MAP2K5: variants seen among roughly 807,000 people sequenced by gnomAD.
The protein encoded by MAP2K5 is mitogen-activated protein kinase kinase 5.
A neutral mutation model predicts 83.1 loss-of-function variants in MAP2K5; 49 were observed. The ratio of observed to expected loss-of-function variants is 0.59; its 90% CI spans 0.47 to 0.75. The LOEUF is 0.75. MAP2K5 is among the 30% of genes least tolerant of loss of function. MAP2K5 has a pLI of 0.00. For synonymous variants in MAP2K5, 202 were observed against 191.8 expected, an observed-to-expected ratio of 1.05 and a Z score of -0.44; for missense variants, 457 against 557.5, an observed-to-expected ratio of 0.82 and a Z score of 1.82.
At chr15:67,658,524 G>A (rs759582270) in intron 11 of MAP2K5, 29 bp from the exon 12 acceptor site, 2 of 1,564,860 alleles carry the variant, frequency 1.3e-6, no homozygotes, top group South Asian at 2.2e-5. Flanking sequence ...AATTTCATTT[G>A]TAGTAACATG....
chr15:67,608,186 AAGAAGGCATAACATCAGGGACTGACAT>A (rs1450402315), intron 8 of MAP2K5, among the ~76,000 whole-genome samples: 3 of 152,224 alleles, frequency 2.0e-5, no homozygotes, highest in Non-Finnish European at 4.4e-5. Context: ...CTGCCACACC[AAGAAGGCATAACATCAGGGACTGACAT>A]AGTGTCTGTC....
intron 8 of MAP2K5, among the ~76,000 whole-genome samples, chr15:67,612,772 T>G (rs2085957238): frequency 1.3e-5 from 2 of 152,198 alleles, no homozygotes; most frequent in Admixed American, 1.3e-4. Context: ...AATAAATGAA[T>G]GGACAGCAAT....
chr15:67,767,818 T>C (rs929173352), intron 19 of MAP2K5, among the ~76,000 whole-genome samples: 3 of 152,212 alleles, frequency 2.0e-5, no homozygotes, highest in African/African-American at 7.2e-5. Context: ...CCGTTTTTCA[T>C]GTCGTCTCTG....
intron 7 of MAP2K5, among the ~76,000 whole-genome samples, chr15:67,597,592 T>G (rs988494298): frequency 5.9e-5 from 9 of 152,242 alleles, no homozygotes; most frequent in Non-Finnish European, 1.2e-4. Flanking sequence ...AATAGCACTT[T>G]CTTATATAAT....
chr15:67,558,977 G>A (rs1182739593), intron 2 of MAP2K5, among the ~76,000 whole-genome samples: 6 of 152,218 alleles, frequency 3.9e-5, no homozygotes, highest in Non-Finnish European at 5.9e-5. Context: ...AAGGAATCAG[G>A]AAGAGGGAAG....
In MAP2K5 at chr15:67,720,237, C is replaced by G. The variant is rs186543004; in HGVS notation, c.1045-7679C>G. On this transcript the variant is annotated intron_variant, in intron 16 of 21. Transcript: ENST00000178640. The surrounding 1 kb of genome is among the most constrained non-coding windows in gnomAD (Gnocchi z 5.7). ...ATAGACAGATTAATATACACATACA[C>G]AAACATAAACACACGCATATATATA... Among the ~76,000 whole-genome samples the G allele has an allele frequency of 2.0e-5, 3 of 152,200 alleles. No individual in the cohort carries two copies. Among genetic ancestry groups the G allele is most frequent in the East Asian group, 3.9e-4 (2 of 5,188 alleles).
chr15:67,664,377 T>C (rs1264740892), intron 12 of MAP2K5, among the ~76,000 whole-genome samples: 1 of 139,004 alleles, frequency 7.2e-6, no homozygotes, highest in African/African-American at 2.7e-5. Flanking sequence ...GGTGCACACC[T>C]GTGGTCCCAG....
chr15:67,631,323 C>CTT (rs1219030846), intron 9 of MAP2K5, among the ~76,000 whole-genome samples: 1 of 152,210 alleles, frequency 6.6e-6, no homozygotes, highest in Admixed American at 6.5e-5. Context: ...CCATTTGCTA[C>CTT]TTTCTTTCTA....
In MAP2K5 at chr15:67,806,957, T is replaced by A; in HGVS notation, c.*207T>A. 5.8e-6 allele frequency: 9 copies of A among 1,546,584 alleles called. No individual in the cohort carries two copies. Among genetic ancestry groups the A allele is most frequent in the Non-Finnish European group, 6.9e-6 (8 of 1,152,654 alleles). On this transcript the variant is annotated 3_prime_UTR_variant, in exon 22 of 22. Coordinates refer to ENST00000178640, the MANE Select transcript of MAP2K5 (RefSeq NM_145160.3). ...CAGGCCATCCCCATACCTTCTGGTT[T>A]GAAGGCGCTGACACTGGCAGAGAGG...
At chr15:67,647,868 TA>T (rs34662750) in intron 11 of MAP2K5, among the ~76,000 whole-genome samples, 3 of 150,264 alleles carry the variant, frequency 2.0e-5, no homozygotes, top group Non-Finnish European at 3.0e-5. Flanking sequence ...GACTCTGTCT[TA>T]AAAAAAATAA....
In MAP2K5 at chr15:67,698,811, A is replaced by T. The variant is rs191107974; in HGVS notation, c.973-4526A>T. On this transcript the variant is annotated intron_variant, in intron 15 of 21. Transcript: ENST00000178640. This position sits in a 1 kb window ranked among gnomAD's most constrained non-coding sequence, Gnocchi z 4.5. ...CAACTCAATTGGCTATGCTCATGCG[A>T]TGGTAGTAATGGTAGTGGTGGTGAC... is the stretch of plus-strand genomic sequence containing the variant. Among the ~76,000 whole-genome samples the T allele has an allele frequency of 3.7e-4, 56 of 152,318 alleles. No homozygotes were observed. The highest frequency in any genetic ancestry group is 1.3e-3 in the African/African-American group (52 of 41,568).
rs1035866398 is a variant in MAP2K5 at position 67,806,968 on chromosome 15, A to T, written c.*218A>T. On this transcript the variant is annotated 3_prime_UTR_variant, in exon 22 of 22. Coordinates refer to ENST00000178640, the MANE Select transcript of MAP2K5 (RefSeq NM_145160.3). ...CATACCTTCTGGTTTGAAGGCGCTG[A>T]CACTGGCAGAGAGGTAAAGGGTGGG... 19 of 1,531,250 alleles carry T rather than the reference A, an allele frequency of 1.2e-5. No individual in the cohort carries two copies. The highest frequency in any genetic ancestry group is 1.7e-5 in the Non-Finnish European group (19 of 1,143,770). 94.9% of individuals were successfully genotyped at this position (1,531,250 alleles called of 1,614,324 possible).
At chr15:67,669,973 C>G (rs1567349303) in intron 13 of MAP2K5, among the ~76,000 whole-genome samples, 1 of 152,084 alleles carries the variant, frequency 6.6e-6, no homozygotes, top group Non-Finnish European at 1.5e-5. Context: ...AAACATATGT[C>G]CACACAAAAA....
intron 11 of MAP2K5, among the ~76,000 whole-genome samples, chr15:67,656,808 C>CT (rs1214565497): frequency 6.6e-6 from 1 of 152,076 alleles, no homozygotes; most frequent in Non-Finnish European, 1.5e-5. Flanking sequence ...TTTGATAGGT[C>CT]TAACAGTTGC....
chr15:67,659,305 A>G (rs2087174022), intron 12 of MAP2K5: 3 of 156,462 alleles, frequency 1.9e-5, no homozygotes, highest in Admixed American at 1.9e-4. Flanking sequence ...TAAAGGCACG[A>G]TGATAACTTC....
intron 17 of MAP2K5, among the ~76,000 whole-genome samples, chr15:67,743,821 C>T (rs1023104710): frequency 2.6e-5 from 4 of 152,204 alleles, no homozygotes; most frequent in Non-Finnish European, 5.9e-5. Context: ...GCTCTGGCTT[C>T]AAGGAATCTT....
chr15:67,600,330 T>G (rs897092932), intron 7 of MAP2K5, among the ~76,000 whole-genome samples: 10 of 152,192 alleles, frequency 6.6e-5, no homozygotes, highest in Non-Finnish European at 1.3e-4. Flanking sequence ...AGTTTGACTT[T>G]GGTTATGTGC....
intron 8 of MAP2K5, among the ~76,000 whole-genome samples, chr15:67,610,142 CCTAA>C (rs1258877672): frequency 6.6e-6 from 1 of 152,160 alleles, no homozygotes; most frequent in Non-Finnish European, 1.5e-5. Flanking sequence ...CTCTGAATTT[CCTAA>C]CTATTAACCC....
At chr15:67,642,240 T>C (rs2086727959) in intron 9 of MAP2K5, among the ~76,000 whole-genome samples, 1 of 152,194 alleles carries the variant, frequency 6.6e-6, no homozygotes, top group Non-Finnish European at 1.5e-5. Context: ...TAGAAACAGT[T>C]TCTTATAAAG....
Sources: allele counts gnomAD v4.1 joint callset (sites outside exome capture counted in the v4.1 genomes callset), GRCh38; gene constraint gnomAD v4.1.1; non-coding constraint Gnocchi (gnomAD v3.1); transcripts MANE v1.5; gene names NCBI Gene and HGNC (gene_info 2026-07-23, HGNC 2026-07-21).